The following IL5 variants were observed in gnomAD, a reference collection of about 807,000 sequenced individuals.
The protein encoded by IL5 is interleukin-5.
Under a neutral mutation model 16.3 loss-of-function variants are expected in IL5, and 12 were observed. That is an observed-to-expected ratio of 0.74 (90% confidence interval 0.47 to 1.20). The LOEUF (loss-of-function observed/expected upper bound fraction) is 1.20, where lower values mean the gene tolerates loss of function less well. Among genes scored for constraint, IL5 ranks in the 50% most tolerant of loss-of-function variants. The pLI is 0.00. For synonymous variants in IL5, 54 were observed against 56.6 expected, an observed-to-expected ratio of 0.95 and a Z score of 0.21; for missense variants, 159 against 153.9, an observed-to-expected ratio of 1.03 and a Z score of -0.17.
At chr5:132,554,760 C>G (rs1291710795) in intron 1 of IL5, among the ~76,000 whole-genome samples, 1 of 152,188 alleles carries the variant, frequency 6.6e-6, no homozygotes, top group African/African-American at 2.4e-5. Flanking sequence ...TATAGCCACA[C>G]TATTCACAAT....
At chr5:132,545,328 C>T (rs1394853797), upstream of IL5, among the ~76,000 whole-genome samples, 1 of 152,016 alleles carries the variant, frequency 6.6e-6, no homozygotes, top group Admixed American at 6.6e-5. Flanking sequence ...ATTTTAGTAC[C>T]TTAAATACAC....
rs374664313 is a variant in IL5, at chr5:132,552,837, C to T, written c.42+3837G>A. On this transcript the variant is annotated intron_variant, in intron 1 of 2. Transcript: ENST00000450655. The stretch of plus-strand genomic sequence containing the variant: ...TGCAACCTCTACCTCCCGGGTTCAG[C>T]GATTTTCCTGCCTCAGCCTCCTGAG... Among the ~76,000 whole-genome samples, 16 of 152,198 alleles carry T rather than the reference C, an allele frequency of 1.1e-4. No individual in the cohort carries two copies. The East Asian group carries it at 2.3e-3, about 22-fold the overall frequency.
intron 1 of IL5, among the ~76,000 whole-genome samples, chr5:132,551,882 T>C (rs929656493): frequency 6.6e-6 from 1 of 152,172 alleles, no homozygotes; most frequent in African/African-American, 2.4e-5. Context: ...TTCCCTTAAA[T>C]TGCAATTTCT....
chr5:132,541,823 T>C lies in IL5; in HGVS notation c.393A>G (p.Ile131Met). The change falls in exon 4 of 4, where the codon ATA becomes ATG. Residue 131 changes from isoleucine (I) to methionine (M), a missense_variant. Physicochemically the swap from Ile to Met is conservative, Grantham distance 10. Transcript: ENST00000231454. ...AACCAGTTTAGTCTCAACTTTCTAT[T>C]ATCCACTCGGTGTTCATTACACCAA... ...EFLGVMNTEW[I>M]IES The C allele has an allele frequency of 1.2e-6, 2 of 1,610,652 alleles. No individual in the cohort carries two copies. The highest frequency in any genetic ancestry group is 1.7e-6 in the Non-Finnish European group (2 of 1,177,338).
upstream of IL5, among the ~76,000 whole-genome samples, chr5:132,547,296 G>A (rs1018704556): frequency 6.6e-6 from 1 of 152,152 alleles, no homozygotes; most frequent in Admixed American, 6.5e-5. Flanking sequence ...TGGTGGCAGT[G>A]AAACATCATG....
At chr5:132,547,725 C>G (rs1749815650), upstream of IL5, among the ~76,000 whole-genome samples, 1 of 152,196 alleles carries the variant, frequency 6.6e-6, no homozygotes, top group Non-Finnish European at 1.5e-5. Context: ...CTCTAACAGT[C>G]TTGAAACTTC....
rs773572953 is a variant in IL5 at position 132,541,884 on chromosome 5, C to G, written c.332G>C (p.Arg111Thr). The change falls in exon 4 of 4, where the codon AGA (arginine) becomes ACA (threonine). Residue 111 changes from arginine (R) to threonine (T), a missense_variant. Arg to Thr is a moderately conservative substitution (Grantham distance 71). Transcript: ENST00000231454. ...CAGGTAGTCTAGGAATTGGTTTACTCTCCGTCTTTCTTCTCCACACTTTTT... is the reference window on the plus strand; with the variant it reads ...CAGGTAGTCTAGGAATTGGTTTACTGTCCGTCTTTCTTCTCCACACTTTTT... ...QKKKCGEERRRVNQFLDYLQE... is the reference protein window; with the variant it reads ...QKKKCGEERRTVNQFLDYLQE... 4 of 1,613,888 alleles carry G rather than the reference C, an allele frequency of 2.5e-6. No individual in the cohort carries two copies. In the South Asian group the frequency reaches 3.3e-5, roughly 13 times the overall value.
upstream of IL5, among the ~76,000 whole-genome samples, chr5:132,545,806 G>C (rs951458568): frequency 2.0e-5 from 3 of 152,178 alleles, no homozygotes; most frequent in Admixed American, 2.0e-4. Context: ...TGTAATCCCA[G>C]TTACTCGGGA....
At chr5:132,555,015 T>A (rs748279640) in intron 1 of IL5, among the ~76,000 whole-genome samples, 1 of 152,180 alleles carries the variant, frequency 6.6e-6, no homozygotes, top group African/African-American at 2.4e-5. Context: ...TAGATTCTCA[T>A]AAGGAATGGG....
At chr5:132,556,241 T>A (rs1406609176) in intron 1 of IL5, 1 of 152,224 alleles carries the variant, frequency 6.6e-6, no homozygotes, top group South Asian at 2.1e-4. Context: ...GGCCCTTAAA[T>A]GTGATATCCC....
chr5:132,552,279 C>A (rs531805501), intron 1 of IL5, among the ~76,000 whole-genome samples: 1 of 151,814 alleles, frequency 6.6e-6, no homozygotes, highest in African/African-American at 2.4e-5. Context: ...AAAACAAAAA[C>A]AACAACAACA....
At chr5:132,542,986 C>G (rs1749722192) in intron 2 of IL5, 108 bp downstream of exon 2, 1 of 842,672 alleles carries the variant, frequency 1.2e-6, no homozygotes. Flanking sequence ...CATATGAAAA[C>G]AAAATATAGA....
At chr5:132,549,983 A>G (rs1749858803) in intron 1 of IL5, among the ~76,000 whole-genome samples, 1 of 152,244 alleles carries the variant, frequency 6.6e-6, no homozygotes. Context: ...TTACCAACAC[A>G]TAGACAGTTT....
intron 1 of IL5, chr5:132,555,870 G>C (rs573925964): frequency 6.6e-6 from 1 of 152,130 alleles, no homozygotes; most frequent in Non-Finnish European, 1.5e-5. Flanking sequence ...AAGGTCTTTC[G>C]TCTTTTCCCA....
chr5:132,556,033 C>T (rs1033325205), intron 1 of IL5: 1 of 152,106 alleles, frequency 6.6e-6, no homozygotes. Context: ...TGGTCTTCCC[C>T]ACTTGCATCC....
chr5:132,550,555 G>A (rs971480037), intron 1 of IL5, among the ~76,000 whole-genome samples: 3 of 152,022 alleles, frequency 2.0e-5, no homozygotes, highest in South Asian at 2.1e-4. Flanking sequence ...ATCTGTTGAC[G>A]TCGTGATCTG....
chr5:132,541,832 G>T lies in IL5; in HGVS notation c.384C>A (p.Thr128=), dbSNP rs2069818. ...YLQEFLGVMN[T]EWIIES ...AGTCTCAACTTTCTATTATCCACTCGGTGTTCATTACACCAAGAAACTCTT... is the reference window on the plus strand; with the variant it reads ...AGTCTCAACTTTCTATTATCCACTCTGTGTTCATTACACCAAGAAACTCTT... Residue 128 remains threonine (T), a synonymous_variant, in exon 4 of 4, where the codon ACC becomes ACA. Transcript: ENST00000231454. 8,565 of 1,611,668 alleles carry T rather than the reference G, an allele frequency of 5.3e-3. 356 individuals carry two copies. The African/African-American group carries it at 0.098, about 18-fold the overall frequency.
upstream of IL5, among the ~76,000 whole-genome samples, chr5:132,546,675 C>G (rs1749799411): frequency 6.6e-6 from 1 of 151,964 alleles, no homozygotes; most frequent in African/African-American, 2.4e-5. Context: ...TAAGTGTGAT[C>G]TCCCCAACCT....
At chr5:132,542,255 A>C (rs949246377) in intron 2 of IL5, 112 bp from the exon 3 acceptor site, 7 of 548,764 alleles carry the variant, frequency 1.3e-5, no homozygotes, top group African/African-American at 3.8e-5. Context: ...TGTACACAAT[A>C]AATATATATA....
Sources: allele counts gnomAD v4.1 joint callset (sites outside exome capture counted in the v4.1 genomes callset), GRCh38; gene constraint gnomAD v4.1.1; transcripts MANE v1.5; gene names NCBI Gene and HGNC (gene_info 2026-07-23, HGNC 2026-07-21).